ERVW-1: variants seen among roughly 807,000 people sequenced by gnomAD.
The protein encoded by ERVW-1 is endogenous retrovirus group W member 1, envelope.
Under a neutral mutation model 16.6 loss-of-function variants are expected in ERVW-1, and 21 were observed. That is an observed-to-expected ratio of 1.26 (90% CI 0.90 to 1.82). The LOEUF is 1.82. Ranked by LOEUF, ERVW-1 falls within the 40% of genes most tolerant of loss-of-function variation. ERVW-1 has a pLI of 0.00. For synonymous variants in ERVW-1, 161 were observed against 109.8 expected (o/e 1.47, Z -2.92); for missense variants, 412 against 300.2 (o/e 1.37, Z -2.75).
Position 92,470,237 on chromosome 7 carries a change from C to A in ERVW-1, c.145G>T (p.Ala49Ser). The stretch of plus-strand genomic sequence containing the variant: ...TTAGAAAGACTCCTATACGATGGGG[C>A]ATCAATATTTCCGGGACGCTGCATT... ...WRMQRPGNID[A>S]PSYRSLSKGT... Residue 49 changes from alanine (A) to serine (S), a missense_variant, in exon 2 of 2, where the codon GCC (alanine) becomes TCC (serine). Coordinates refer to ENST00000603053, the MANE Select transcript of ERVW-1 (RefSeq NM_001130925.2). 1 of 778,652 alleles carries A rather than the reference C, an allele frequency of 1.3e-6. No homozygotes were observed. The highest frequency in any genetic ancestry group is 1.3e-5 in the South Asian group (1 of 74,486). 48.2% of individuals were successfully genotyped at this position (778,652 alleles called of 1,614,324 possible). A position where few individuals can be genotyped will look rare whatever the true frequency, so the allele number is the denominator to read the frequency against.
Position 92,468,504 on chromosome 7 carries a change from C to T in ERVW-1, c.*261G>A, listed in dbSNP as rs773084619. ...TGGGTTTATATCCCGATCATTGTCC[C>T]TCCTGCTGTGCTCTCAGGCAATAGA... On this transcript the variant is annotated 3_prime_UTR_variant, in exon 2 of 2. Coordinates refer to ENST00000603053, the MANE Select transcript of ERVW-1 (RefSeq NM_001130925.2). 3.1e-6 allele frequency: 1 copy of T among 319,470 alleles called. No homozygotes were observed. Among genetic ancestry groups the T allele is most frequent in the Non-Finnish European group, 5.7e-6 (1 of 175,334 alleles). The allele number at this position is 319,470 out of a possible 1,614,324, so 19.8% of individuals were successfully genotyped here. A position where few individuals can be genotyped will look rare whatever the true frequency, so the allele number is the denominator to read the frequency against.
At chr7:92,473,261 C>T (rs937218568) in intron 1 of ERVW-1, 3 of 152,144 alleles carry the variant, frequency 2.0e-5, no homozygotes, top group Admixed American at 6.5e-5. Flanking sequence ...TGAGATCTTG[C>T]ACTAACCTCC....
At position 92,469,735 on chromosome 7, in the gene ERVW-1, G is replaced by A. The variant is rs753174756; in HGVS notation, c.647C>T (p.Thr216Ile). 9.9e-5 allele frequency: 76 copies of A among 764,050 alleles called. No individual in the cohort carries two copies. Among genetic ancestry groups the A allele is most frequent in the Non-Finnish European group, 1.7e-4 (72 of 417,802 alleles). 47.3% of individuals were successfully genotyped at this position (764,050 alleles called of 1,614,324 possible). The change falls in exon 2 of 2, where the codon ACT (threonine) becomes ATT (isoleucine). Residue 216 changes from threonine to isoleucine, a missense_variant. Physicochemically the swap from Thr to Ile is moderately conservative, Grantham distance 89. Transcript: ENST00000603053. ...AACAAGAGGTCCTACTAAAACGGAA[G>A]TGGTGTTTATTTCTGTGCTGAAGTT... is the stretch of plus-strand genomic sequence containing the variant. ...WNNFSTEINT[T>I]SVLVGPLVSN...
Position 92,469,684 on chromosome 7 carries a change from G to A in ERVW-1, c.698C>T (p.Ser233Leu). 1.3e-6 allele frequency: 1 copy of A among 764,398 alleles called. No individual in the cohort carries two copies. The highest frequency in any genetic ancestry group is 2.4e-5 in the East Asian group (1 of 41,258). 47.4% of individuals were successfully genotyped at this position (764,398 alleles called of 1,614,324 possible). ...LVSNLEITHT[S>L]NLTCVKFSNT... is the part of the protein sequence containing the mutation. ...GCTAAATTTTACACAGGTGAGGTTT[G>A]AGGTATGGGTTATTTCCAGATTGGA... The change falls in exon 2 of 2, where the codon TCA becomes TTA. Residue 233 changes from serine to leucine, a missense_variant. Ser to Leu is a moderately radical substitution (Grantham distance 145). Coordinates refer to ENST00000603053, the MANE Select transcript of ERVW-1 (RefSeq NM_001130925.2).
intron 1 of ERVW-1, among the ~76,000 whole-genome samples, chr7:92,474,216 C>G (rs1790452706): frequency 6.6e-6 from 1 of 151,998 alleles, no homozygotes; most frequent in Non-Finnish European, 1.5e-5. Context: ...CCGAGGTTGC[C>G]AAGTTCAATA....
intron 1 of ERVW-1, among the ~76,000 whole-genome samples, chr7:92,473,379 T>C (rs2115960517): frequency 6.6e-6 from 1 of 152,146 alleles, no homozygotes; most frequent in South Asian, 2.1e-4. Flanking sequence ...TTGGAGTCCT[T>C]GTTGGGCCTT....
At position 92,469,112 on chromosome 7, in the gene ERVW-1, G is replaced by T. The variant is rs1038278481; in HGVS notation, c.1270C>A (p.Arg424=). 5 of 702,116 alleles carry T rather than the reference G, an allele frequency of 7.1e-6. No individual in the cohort carries two copies. Among genetic ancestry groups the T allele is most frequent in the Admixed American group, 6.0e-5 (3 of 50,042 alleles). 43.5% of individuals were successfully genotyped at this position (702,116 alleles called of 1,614,324 possible). ...AGCTCCTCTGCTCTACGTTGTATTC[G>T]ATCTCGAATTTCTTTAACTTTCTCA... ...VTEKVKEIRD[R]IQRRAEELRN... The change falls in exon 2 of 2, where the codon CGA becomes AGA. Residue 424 remains arginine (R), a synonymous_variant. Transcript: ENST00000603053.
At chr7:92,476,370 C>T (rs928788184) in intron 1 of ERVW-1, among the ~76,000 whole-genome samples, 3 of 152,132 alleles carry the variant, frequency 2.0e-5, no homozygotes, top group Non-Finnish European at 2.9e-5. Context: ...GGTCCATCTG[C>T]GGGTTACTGG....
At chr7:92,473,109 T>A (rs1416786055) in intron 1 of ERVW-1, 1 of 151,910 alleles carries the variant, frequency 6.6e-6, no homozygotes, top group East Asian at 1.9e-4. Flanking sequence ...GAATTGAGAG[T>A]CAGGATGTAC....
At chr7:92,473,740 G>A (rs1324453764) in intron 1 of ERVW-1, among the ~76,000 whole-genome samples, 2 of 151,856 alleles carry the variant, frequency 1.3e-5, no homozygotes, top group Non-Finnish European at 2.9e-5. Flanking sequence ...GACAGATCTG[G>A]AGGACAGTTG....
rs763605156 is a variant in ERVW-1 at position 92,469,347 on chromosome 7, C to A, written c.1035G>T (p.Gln345His). ...TGIGGITTST[Q>H]FYYKLSQELN... The stretch of plus-strand genomic sequence containing the variant: ...GTTCTTGAGATAGTTTGTAGTAGAA[C>A]TGAGTAGAGGTTGTGATACCGCCAA... The change falls in exon 2 of 2, where the codon CAG becomes CAT. Residue 345 changes from glutamine to histidine, a missense_variant. Gln to His is a conservative substitution (Grantham distance 24). Coordinates refer to ENST00000603053, the MANE Select transcript of ERVW-1 (RefSeq NM_001130925.2). 3 of 765,298 alleles carry A rather than the reference C, an allele frequency of 3.9e-6. No homozygotes were observed. In the African/African-American group the frequency reaches 5.1e-5, roughly 13 times the overall value. The allele number at this position is 765,298 out of a possible 1,614,324, so 47.4% of individuals were successfully genotyped here.
At position 92,468,591 on chromosome 7, in the gene ERVW-1, T is replaced by G; in HGVS notation, c.*174A>C. The G allele has an allele frequency of 2.0e-6, 1 of 496,846 alleles. No individual in the cohort carries two copies. The highest frequency in any genetic ancestry group is 3.5e-6 in the Non-Finnish European group (1 of 283,474). 30.8% of individuals were successfully genotyped at this position (496,846 alleles called of 1,614,324 possible). A position where few individuals can be genotyped will look rare whatever the true frequency, so the allele number is the denominator to read the frequency against. On this transcript the variant is annotated 3_prime_UTR_variant, in exon 2 of 2. Coordinates refer to ENST00000603053, the MANE Select transcript of ERVW-1 (RefSeq NM_001130925.2). ...TTAGCATTTTAGTGAGCTCTCTGAT[T>G]GGTCAGGTGTGAGCTAAGTTGCAAG...
In ERVW-1 at chr7:92,468,674, C is replaced by T. The variant is rs986682779; in HGVS notation, c.*91G>A. ...CCAGCTAGGCTTAGGGATTCTTAGT[C>T]AGCCTAGGAAATCCAGCTAGTCCTG... On this transcript the variant is annotated 3_prime_UTR_variant, in exon 2 of 2. Coordinates refer to ENST00000603053, the MANE Select transcript of ERVW-1 (RefSeq NM_001130925.2). 8.1e-6 allele frequency: 5 copies of T among 619,790 alleles called. No individual in the cohort carries two copies. The highest frequency in any genetic ancestry group is 1.4e-5 in the Non-Finnish European group (5 of 348,862). The allele number at this position is 619,790 out of a possible 1,614,324, so 38.4% of individuals were successfully genotyped here.
chr7:92,475,267 G>A (rs1028271473), intron 1 of ERVW-1: 10 of 152,144 alleles, frequency 6.6e-5, no homozygotes, highest in African/African-American at 1.9e-4. Context: ...TCCAGAATAC[G>A]TCTTAGGGGC....
chr7:92,473,766 T>C (rs1190460225), intron 1 of ERVW-1, among the ~76,000 whole-genome samples: 6 of 151,520 alleles, frequency 4.0e-5, no homozygotes, highest in Non-Finnish European at 7.4e-5. Context: ...GACAGAAGAG[T>C]AAGACTAAGA....
chr7:92,470,509 G>A lies in ERVW-1; in HGVS notation c.-128C>T, dbSNP rs1790304784. The A allele has an allele frequency of 5.0e-6, 3 of 594,572 alleles. No homozygotes were observed. The East Asian group carries it at 8.4e-5, about 17-fold the overall frequency. The allele number at this position is 594,572 out of a possible 1,614,324, so 36.8% of individuals were successfully genotyped here. On this transcript the variant is annotated 5_prime_UTR_variant, in exon 2 of 2. Transcript: ENST00000603053. ...TTCAGGTTCCTTTGGCAGTATCCAG[G>A]ATTTGACTCAAGTGTGATGTATCCA... is the stretch of plus-strand genomic sequence containing the variant.
rs531266520 is a variant in ERVW-1, at chr7:92,476,596, ACTCT to A, written c.-228+782_-228+785del. ...TTCTTTCTCTTTCTTTCTCTCTTTG[ACTCT>A]CTCTCTCTCCTCTTTGTCTCTCTCT... On this transcript the variant is annotated intron_variant, in intron 1 of 1. Transcript: ENST00000603053. Among the ~76,000 whole-genome samples the A allele has an allele frequency of 4.3e-5, 6 of 138,078 alleles. No homozygotes were observed. The South Asian group carries it at 9.4e-4, about 22-fold the overall frequency. The allele number at this position is 138,078 out of a possible 152,430, so 90.6% of individuals were successfully genotyped here.
At position 92,469,962 on chromosome 7, in the gene ERVW-1, A is replaced by G. The variant is rs138363350; in HGVS notation, c.420T>C (p.His140=). 1.2e-3 allele frequency: 963 copies of G among 777,424 alleles called. 7 individuals are homozygous for G. The African/African-American group carries it at 0.014, about 12-fold the overall frequency. 48.2% of individuals were successfully genotyped at this position (777,424 alleles called of 1,614,324 possible). Residue 140 remains histidine, a synonymous_variant, in exon 2 of 2, where the codon CAT becomes CAC. Coordinates refer to ENST00000603053, the MANE Select transcript of ERVW-1 (RefSeq NM_001130925.2). ...KEVISQLTRV[H]GTSSPYKGLD... is the part of the protein sequence containing the mutation. ...GTCCTTTGTAGGGGCTAGAGGTGCCATGTACCCGGGTGAGTTGGGAGATTA... is the reference window on the plus strand; with the variant it reads ...GTCCTTTGTAGGGGCTAGAGGTGCCGTGTACCCGGGTGAGTTGGGAGATTA...
intron 1 of ERVW-1, among the ~76,000 whole-genome samples, chr7:92,475,760 T>G (rs1790515657): frequency 6.6e-6 from 1 of 152,130 alleles, no homozygotes; most frequent in South Asian, 2.1e-4. Context: ...CAGGGGTGAG[T>G]CCTAGAGCTG....
Sources: allele counts gnomAD v4.1 joint callset (sites outside exome capture counted in the v4.1 genomes callset), GRCh38; gene constraint gnomAD v4.1.1; transcripts MANE v1.5; gene names NCBI Gene and HGNC (gene_info 2026-07-23, HGNC 2026-07-21).